The following RAB3IP variants were observed in gnomAD, a reference collection of about 807,000 sequenced individuals.
RAB3IP encodes the protein rab-3A-interacting protein.
In RAB3IP, 36 loss-of-function variants were observed where a neutral mutation model predicts 59.1. The ratio of observed to expected loss-of-function variants is 0.61; its 90% CI spans 0.47 to 0.80. The LOEUF (loss-of-function observed/expected upper bound fraction) is 0.80, where lower values mean the gene tolerates loss of function less well. Ranked by LOEUF, RAB3IP falls within the 30% of genes least tolerant of loss-of-function variation. The pLI is 0.00. For missense variants in RAB3IP, 511 were observed against 536.0 expected (o/e 0.95, Z 0.46); for synonymous variants, 207 against 191.2 (o/e 1.08, Z -0.68).
Position 69,800,257 on chromosome 12 carries a change from A to G in RAB3IP, c.937A>G (p.Thr313Ala). 1 of 1,593,356 alleles carries G rather than the reference A, an allele frequency of 6.3e-7. No individual in the cohort carries two copies. Among genetic ancestry groups the G allele is most frequent in the Non-Finnish European group, 8.5e-7 (1 of 1,171,052 alleles). The change falls in exon 7 of 11, where the codon ACA becomes GCA. Residue 313 changes from threonine (T) to alanine (A), a missense_variant. Coordinates refer to ENST00000247833, the MANE Select transcript of RAB3IP (RefSeq NM_022456.5). Reference sequence around the variant, plus strand: ...ATTCCGATTGTGGAAGGATGAGCCCACAATGGACAGGACGTGTCCTTTCTT... The same window carrying G: ...ATTCCGATTGTGGAAGGATGAGCCCGCAATGGACAGGACGTGTCCTTTCTT... ...NEFRLWKDEP[T>A]MDRTCPFLDK...
At chr12:69,756,788 C>A in intron 3 of RAB3IP, 125 bp downstream of exon 3, 1 of 775,026 alleles carries the variant, frequency 1.3e-6, no homozygotes, top group Non-Finnish European at 2.0e-6. Context: ...ATATGCCCAG[C>A]CTCAGCTCCT....
At chr12:69,749,706 T>C (rs1240323531) in intron 1 of RAB3IP, among the ~76,000 whole-genome samples, 1 of 152,252 alleles carries the variant, frequency 6.6e-6, no homozygotes, top group African/African-American at 2.4e-5. Flanking sequence ...GCTTGTTGTT[T>C]GGATCTTTCC....
chr12:69,767,730 C>G (rs1592503851), intron 3 of RAB3IP, among the ~76,000 whole-genome samples: 1 of 151,860 alleles, frequency 6.6e-6, no homozygotes, highest in East Asian at 1.9e-4. Context: ...CTCAGGCTGC[C>G]AAACCAAGCA....
intron 1 of RAB3IP, among the ~76,000 whole-genome samples, chr12:69,747,061 A>G (rs2136105024): frequency 6.6e-6 from 1 of 152,338 alleles, no homozygotes; most frequent in South Asian, 2.1e-4. Flanking sequence ...AAAATCACTC[A>G]AAACAATAAG....
intron 8 of RAB3IP, among the ~76,000 whole-genome samples, chr12:69,805,618 A>G (rs1879130336): frequency 1.3e-5 from 2 of 151,320 alleles, no homozygotes; most frequent in Admixed American, 6.6e-5. Context: ...ATTCAGTATG[A>G]TATTGGCTGT....
chr12:69,750,922 C>G (rs545354904), intron 1 of RAB3IP, among the ~76,000 whole-genome samples: 3 of 152,110 alleles, frequency 2.0e-5, no homozygotes, highest in African/African-American at 7.2e-5. Flanking sequence ...GTTTTAATAG[C>G]TATTTAAATA....
chr12:69,767,166 TTTTCTTTTCC>T (rs1434951885), intron 3 of RAB3IP, among the ~76,000 whole-genome samples: 2 of 152,212 alleles, frequency 1.3e-5, no homozygotes, highest in Admixed American at 6.5e-5. Context: ...ATAATTGTTT[TTTTCTTTTCC>T]TTTCTTTTCC....
At chr12:69,768,502 G>T (rs902800708) in intron 3 of RAB3IP, among the ~76,000 whole-genome samples, 1 of 152,104 alleles carries the variant, frequency 6.6e-6, no homozygotes, top group Non-Finnish European at 1.5e-5. Context: ...CCCAGGAAAG[G>T]TGGGGCTGCT....
At chr12:69,740,653 ATTGTACTTT>A in intron 1 of RAB3IP, among the ~76,000 whole-genome samples, 1 of 152,266 alleles carries the variant, frequency 6.6e-6, no homozygotes, top group Non-Finnish European at 1.5e-5. Flanking sequence ...AATAGATCCT[ATTGTACTTT>A]TTGAATTAGT....
chr12:69,794,231 T>G lies in RAB3IP; in HGVS notation c.607-206T>G, dbSNP rs140266871. Among the ~76,000 whole-genome samples, 18 of 152,326 alleles carry G rather than the reference T, an allele frequency of 1.2e-4. No individual in the cohort carries two copies. In the East Asian group the frequency reaches 3.5e-3, roughly 29 times the overall value. On this transcript the variant is annotated intron_variant, in intron 4 of 10. Transcript: ENST00000247833. ...GATCTCAACTTGGCTGCCTCAGTGG[T>G]AATAGGTCCTAAAAGAAGGCACCTA...
At chr12:69,755,755 A>G (rs12367867) in intron 2 of RAB3IP, 96 bp downstream of exon 2, 142,893 of 1,038,648 alleles carry the variant, frequency 0.14, 11,533 homozygotes, top group Non-Finnish European at 0.17. Context: ...GAAAATTTGA[A>G]TAACTTAAGT....
intron 7 of RAB3IP, 141 bp from the exon 8 acceptor site, chr12:69,801,468 T>C (rs1293620288): frequency 6.3e-6 from 3 of 474,818 alleles, no homozygotes; most frequent in South Asian, 3.1e-5. Flanking sequence ...CAAAATTATC[T>C]GATTTCTTCC....
chr12:69,801,316 A>G (rs959260125), intron 7 of RAB3IP, among the ~76,000 whole-genome samples: 1 of 152,212 alleles, frequency 6.6e-6, no homozygotes, highest in Non-Finnish European at 1.5e-5. Context: ...AGTGGCATTA[A>G]CTGTGGATAT....
At position 69,820,460 on chromosome 12, in the gene RAB3IP, A is replaced by G. The variant is rs1269938529; in HGVS notation, c.*5014A>G. ...CATCCACTCCTGCCCTCCTACAATC[A>G]CTGACGGCAGCCGCAGGGATCTTTA... On this transcript the variant is annotated 3_prime_UTR_variant, in exon 11 of 11. Coordinates refer to ENST00000247833, the MANE Select transcript of RAB3IP (RefSeq NM_022456.5). 6.7e-6 allele frequency: 1 copy of G among 149,950 alleles called. No individual in the cohort carries two copies. Among genetic ancestry groups the G allele is most frequent in the Non-Finnish European group, 1.5e-5 (1 of 67,826 alleles). 9.3% of individuals were successfully genotyped at this position (149,950 alleles called of 1,614,324 possible).
At chr12:69,762,650 G>A (rs1026987812) in intron 3 of RAB3IP, among the ~76,000 whole-genome samples, 1 of 150,762 alleles carries the variant, frequency 6.6e-6, no homozygotes, top group African/African-American at 2.4e-5. Flanking sequence ...CCAGCTGCTT[G>A]GGAGGCTGAG....
chr12:69,739,640 G>C (rs1265592266), intron 1 of RAB3IP: 1 of 605,728 alleles, frequency 1.7e-6, no homozygotes, highest in East Asian at 2.8e-5. Flanking sequence ...TTCCGGGCAG[G>C]CGCCCGGAGT....
chr12:69,807,421 G>C (rs1381343815), intron 8 of RAB3IP, among the ~76,000 whole-genome samples: 2 of 146,196 alleles, frequency 1.4e-5, no homozygotes, highest in African/African-American at 5.1e-5. Context: ...CCTCCCAGAC[G>C]GGGCGGCCGG....
chr12:69,762,752 G>A (rs1335495484), intron 3 of RAB3IP, among the ~76,000 whole-genome samples: 14 of 45,000 alleles, frequency 3.1e-4, no homozygotes, highest in Non-Finnish European at 4.0e-4. Context: ...GGGAGACTCC[G>A]TCTCAAAAAA....
rs182782100 is a variant in RAB3IP, at chr12:69,807,123, G to T, written c.1130+5402G>T. 4.2e-3 allele frequency among the ~76,000 whole-genome samples: 639 copies of T among 151,876 alleles called. 5 individuals are homozygous for T. Among genetic ancestry groups the T allele is most frequent in the African/African-American group, 0.015 (602 of 41,404 alleles). On this transcript the variant is annotated intron_variant, in intron 8 of 10. Coordinates refer to ENST00000247833, the MANE Select transcript of RAB3IP (RefSeq NM_022456.5). ...GAGCTGTTGGGTACACCTCCCAGACGGGGCGGCCGGGCAGAGGTGCTCCTC... is the reference window on the plus strand; with the variant it reads ...GAGCTGTTGGGTACACCTCCCAGACTGGGCGGCCGGGCAGAGGTGCTCCTC...
Sources: allele counts gnomAD v4.1 joint callset (sites outside exome capture counted in the v4.1 genomes callset), GRCh38; gene constraint gnomAD v4.1.1; transcripts MANE v1.5; gene names NCBI Gene and HGNC (gene_info 2026-07-23, HGNC 2026-07-21).